The following DOCK1 variants were observed in gnomAD, a reference collection of about 807,000 sequenced individuals.
DOCK1 encodes the protein dedicator of cytokinesis protein 1.
In DOCK1, 138 loss-of-function variants were observed where a neutral mutation model predicts 262.7. The observed-to-expected ratio is 0.53, with a 90% CI of 0.46 to 0.61. DOCK1 has a LOEUF of 0.61. Among genes scored for constraint, DOCK1 ranks in the 20% least tolerant of loss-of-function variants. The probability of loss-of-function intolerance (pLI) is 0.00; values close to 1 mark genes in which losing one functional copy is unlikely to be tolerated. For synonymous variants in DOCK1, 866 were observed against 867.4 expected (o/e 1.00, Z 0.03); for missense variants, 1,908 against 2,370.7 (o/e 0.80, Z 4.05).
intron 27 of DOCK1, among the ~76,000 whole-genome samples, chr10:127,182,274 C>A (rs1349544873): frequency 6.6e-6 from 1 of 152,132 alleles, no homozygotes; most frequent in Non-Finnish European, 1.5e-5. Flanking sequence ...CCCACTCATG[C>A]ATATCTGCGG....
At chr10:127,402,701 T>C (rs746068904) in intron 38 of DOCK1, 9 of 530,282 alleles carry the variant, frequency 1.7e-5, no homozygotes, top group African/African-American at 7.6e-5. Context: ...CACCCTACGG[T>C]TCCTTTTCCC....
chr10:127,012,249 C>T lies in DOCK1; in HGVS notation c.1076C>T (p.Ala359Val), dbSNP rs1387795843. 4 of 1,605,190 alleles carry T rather than the reference C, an allele frequency of 2.5e-6. No individual in the cohort carries two copies. The highest frequency in any genetic ancestry group is 3.3e-4 in the Middle Eastern group (2 of 6,036). The part of the protein sequence containing the change: ...IPFQPLALDD[A>V]IRHKPLNMSS... Reference sequence around the variant, plus strand: ...CCCTCCAGGCTCGCGTTGGACGACGCCATTCGACACAAGCCGCTGAACATG... The same window carrying T: ...CCCTCCAGGCTCGCGTTGGACGACGTCATTCGACACAAGCCGCTGAACATG... Residue 359 changes from alanine (A) to valine (V), a missense_variant, in exon 12 of 52, where the codon GCC (alanine) becomes GTC (valine). By Grantham distance (64) the Ala-to-Val change is moderately conservative. This residue lies in a region of DOCK1 where 57 missense variants were observed against 39.7 expected (regional missense o/e 1.44). Transcript: ENST00000623213. This position sits in a 1 kb window ranked among gnomAD's most constrained non-coding sequence, Gnocchi z 4.0.
chr10:127,088,729 G>A (rs1010443879), intron 23 of DOCK1, among the ~76,000 whole-genome samples: 1 of 150,226 alleles, frequency 6.7e-6, no homozygotes, highest in African/African-American at 2.5e-5. Context: ...TAATTGTATT[G>A]CACTTCAGAG....
chr10:126,985,075 C>G (rs374948537), intron 4 of DOCK1, among the ~76,000 whole-genome samples: 1 of 148,688 alleles, frequency 6.7e-6, no homozygotes, highest in African/African-American at 2.5e-5. Context: ...CTGCCTCCTG[C>G]GTTCAAGCGA....
chr10:126,991,848 A>T (rs1288118661), intron 6 of DOCK1, among the ~76,000 whole-genome samples: 1 of 152,154 alleles, frequency 6.6e-6, no homozygotes, highest in Non-Finnish European at 1.5e-5. Context: ...AAGTTTTAAA[A>T]ATAGAGTTGG....
At chr10:127,236,188 C>T (rs1230402808) in intron 27 of DOCK1, among the ~76,000 whole-genome samples, 1 of 152,032 alleles carries the variant, frequency 6.6e-6, no homozygotes, top group Non-Finnish European at 1.5e-5. Flanking sequence ...AAATATATTC[C>T]TATGCCTAGG....
In DOCK1 at chr10:127,361,399, C is replaced by G. The variant is rs565107965; in HGVS notation, c.3284-665C>G. Among the ~76,000 whole-genome samples the G allele has an allele frequency of 2.0e-5, 3 of 152,234 alleles. No individual in the cohort carries two copies. The South Asian group carries it at 6.2e-4, about 32-fold the overall frequency. ...AAAGTGCTGGGATTACAGGCGTGAG[C>G]CACCACACCCGGCCTAAAGTAGTTA... On this transcript the variant is annotated intron_variant, in intron 32 of 51. Coordinates refer to ENST00000623213, the MANE Select transcript of DOCK1 (RefSeq NM_001290223.2).
At chr10:127,132,403 A>G (rs767092065) in intron 27 of DOCK1, among the ~76,000 whole-genome samples, 21 of 152,228 alleles carry the variant, frequency 1.4e-4, no homozygotes, top group Admixed American at 3.9e-4. Flanking sequence ...AAGCGTTGCA[A>G]TAACCTTGCC....
At chr10:127,044,494 C>T (rs1202650471) in intron 21 of DOCK1, among the ~76,000 whole-genome samples, 1 of 152,190 alleles carries the variant, frequency 6.6e-6, no homozygotes, top group African/African-American at 2.4e-5. Context: ...TAGTTCCTTA[C>T]AGACCGTGGG....
intron 27 of DOCK1, among the ~76,000 whole-genome samples, chr10:127,181,311 A>G (rs1014674937): frequency 6.6e-6 from 1 of 152,222 alleles, no homozygotes; most frequent in African/African-American, 2.4e-5. Context: ...TAGAAATAAA[A>G]CAGACTCAAT....
intron 27 of DOCK1, among the ~76,000 whole-genome samples, chr10:127,162,685 A>G (rs921984054): frequency 7.2e-5 from 11 of 152,150 alleles, no homozygotes; most frequent in African/African-American, 2.7e-4. Flanking sequence ...ATTTTCAACA[A>G]GCCTAGTTAT....
intron 27 of DOCK1, among the ~76,000 whole-genome samples, chr10:127,163,892 G>A (rs528674759): frequency 3.3e-4 from 50 of 151,474 alleles, no homozygotes; most frequent in African/African-American, 1.2e-3. Context: ...TCTTTCGATG[G>A]TGTGGACAAA....
At chr10:127,379,951 G>T (rs896816924) in intron 35 of DOCK1, 131 bp from the exon 36 acceptor site, 1 of 674,628 alleles carries the variant, frequency 1.5e-6, no homozygotes, top group East Asian at 2.8e-5. Context: ...TGAATTTATG[G>T]TTCTGATCCA....
intron 31 of DOCK1, among the ~76,000 whole-genome samples, chr10:127,348,327 G>C (rs891160168): frequency 6.6e-6 from 1 of 152,086 alleles, no homozygotes; most frequent in Non-Finnish European, 1.5e-5. Flanking sequence ...CATTATTGGG[G>C]TGCAGGAAAT....
chr10:126,913,765 C>T (rs992387204), intron 1 of DOCK1, among the ~76,000 whole-genome samples: 3 of 152,136 alleles, frequency 2.0e-5, no homozygotes, highest in African/African-American at 4.8e-5. Context: ...ATTTGGGTGC[C>T]TTGAGGAGAA....
At chr10:127,076,312 T>G (rs112330095) in intron 23 of DOCK1, among the ~76,000 whole-genome samples, 1 of 152,132 alleles carries the variant, frequency 6.6e-6, no homozygotes, top group African/African-American at 2.4e-5. Context: ...CCATCCTGGC[T>G]AACACGGTGA....
intron 16 of DOCK1, among the ~76,000 whole-genome samples, chr10:127,027,040 G>A (rs2042913381): frequency 6.6e-6 from 1 of 152,250 alleles, no homozygotes; most frequent in Non-Finnish European, 1.5e-5. Flanking sequence ...AGGAAAACAT[G>A]ATTCCCGTCT....
At chr10:127,206,011 A>C (rs1029749003) in intron 27 of DOCK1, among the ~76,000 whole-genome samples, 2 of 152,186 alleles carry the variant, frequency 1.3e-5, no homozygotes, top group Non-Finnish European at 2.9e-5. Flanking sequence ...ATTTTGATTA[A>C]GGCTACCTTC....
chr10:127,421,554 C>T (rs1173145006), intron 46 of DOCK1, among the ~76,000 whole-genome samples: 29 of 152,174 alleles, frequency 1.9e-4, no homozygotes, highest in Non-Finnish European at 4.4e-5. Context: ...ACAACCAGCA[C>T]CGCCACCATC....
Sources: allele counts gnomAD v4.1 joint callset (sites outside exome capture counted in the v4.1 genomes callset), GRCh38; gene constraint gnomAD v4.1.1; regional missense constraint gnomAD v4.1.1; non-coding constraint Gnocchi (gnomAD v3.1); transcripts MANE v1.5; gene names NCBI Gene and HGNC (gene_info 2026-07-23, HGNC 2026-07-21).